Variants in KLHL3 observed in about 807,000 individuals in gnomAD.
The protein encoded by KLHL3 is kelch like family member 3.
In KLHL3, 19 loss-of-function variants were observed where a neutral mutation model predicts 70.5. The observed-to-expected ratio is 0.27, with a 90% CI of 0.19 to 0.40. The LOEUF is 0.40. Ranked by LOEUF, KLHL3 falls within the 10% of genes least tolerant of loss-of-function variation. The pLI, the probability that KLHL3 is intolerant of heterozygous loss-of-function variation, is 1.00. For synonymous variants in KLHL3, 258 were observed against 290.3 expected, an observed-to-expected ratio of 0.89 and a Z score of 1.13; for missense variants, 512 against 771.1, an observed-to-expected ratio of 0.66 and a Z score of 3.98.
chr5:137,638,564 T>C (rs886274378), intron 10 of KLHL3, among the ~76,000 whole-genome samples: 9 of 152,202 alleles, frequency 5.9e-5, no homozygotes, highest in African/African-American at 1.7e-4. Flanking sequence ...GCCCACTGCA[T>C]GACCTGAGCC....
chr5:137,688,746 C>T (rs1194924303), intron 5 of KLHL3, among the ~76,000 whole-genome samples: 1 of 152,230 alleles, frequency 6.6e-6, no homozygotes, highest in African/African-American at 2.4e-5. Flanking sequence ...CTTCACCTCT[C>T]TGTGCCCTGG....
chr5:137,712,662 T>G (rs1752816717), intron 2 of KLHL3, among the ~76,000 whole-genome samples: 1 of 152,212 alleles, frequency 6.6e-6, no homozygotes, highest in African/African-American at 2.4e-5. Context: ...GCTATCACAC[T>G]ACTCCATCTT....
intron 1 of KLHL3, among the ~76,000 whole-genome samples, chr5:137,732,682 G>A (rs1753197636): frequency 6.6e-6 from 1 of 152,102 alleles, no homozygotes; most frequent in Non-Finnish European, 1.5e-5. Context: ...TAGTAACCCA[G>A]CAGCAAAGTA....
chr5:137,642,248 TC>T (rs1750929612), intron 8 of KLHL3, among the ~76,000 whole-genome samples: 1 of 152,242 alleles, frequency 6.6e-6, no homozygotes, highest in African/African-American at 2.4e-5. Context: ...AAGTTTTCTT[TC>T]TGCAAGGACT....
chr5:137,716,785 A>C (rs1343694736), intron 2 of KLHL3, among the ~76,000 whole-genome samples: 1 of 152,212 alleles, frequency 6.6e-6, no homozygotes, highest in South Asian at 2.1e-4. Context: ...TAGGCAAAAA[A>C]GTAAGGGCAG....
At chr5:137,669,059 A>G (rs80234047) in intron 6 of KLHL3, among the ~76,000 whole-genome samples, 4 of 152,072 alleles carry the variant, frequency 2.6e-5, no homozygotes, top group African/African-American at 9.7e-5. Context: ...ATTCACAAGG[A>G]CCCTGTGAAA....
In KLHL3 at chr5:137,709,765, A is replaced by G; in HGVS notation, c.226T>C (p.Cys76Arg). ...VVLAACSPYF[C>R]AMFTGDMSES... ...CTCACCATACCTGTGAACATCGCACAGAAGTAGGGGCTGCAGGCTGCCAGG... is the reference window on the plus strand; with the variant it reads ...CTCACCATACCTGTGAACATCGCACGGAAGTAGGGGCTGCAGGCTGCCAGG... Residue 76 changes from cysteine to arginine, a missense_variant, in exon 3 of 15, where the codon TGT becomes CGT. Physicochemically the swap from Cys to Arg is radical, Grantham distance 180. Coordinates refer to ENST00000309755, the MANE Select transcript of KLHL3 (RefSeq NM_017415.3). 4 of 1,613,966 alleles carry G rather than the reference A, an allele frequency of 2.5e-6. No individual in the cohort carries two copies. Among genetic ancestry groups the G allele is most frequent in the Non-Finnish European group, 3.4e-6 (4 of 1,179,844 alleles).
chr5:137,673,427 G>A (rs538877647), intron 6 of KLHL3, among the ~76,000 whole-genome samples: 86 of 152,236 alleles, frequency 5.6e-4, no homozygotes, highest in African/African-American at 2.0e-3. Flanking sequence ...GGCATGACAT[G>A]AGGAAGGGGA....
In KLHL3 at chr5:137,720,625, A is replaced by C. The variant is rs1752980000; in HGVS notation, c.15-41T>G. On this transcript the variant is annotated intron_variant, in intron 1 of 14. Coordinates refer to ENST00000309755, the MANE Select transcript of KLHL3 (RefSeq NM_017415.3). Reference sequence around the variant, plus strand: ...AAGAGGGAGGGAAAGAGAATCACTCATTGGTAAACCCATTCATCCAACTGC... The same window carrying C: ...AAGAGGGAGGGAAAGAGAATCACTCCTTGGTAAACCCATTCATCCAACTGC... The C allele has an allele frequency of 5.0e-6, 8 of 1,611,120 alleles. No individual in the cohort carries two copies. The South Asian group carries it at 8.8e-5, about 18-fold the overall frequency.
chr5:137,721,984 C>T (rs558188664), intron 1 of KLHL3, among the ~76,000 whole-genome samples: 3 of 152,254 alleles, frequency 2.0e-5, no homozygotes, highest in East Asian at 1.9e-4. Flanking sequence ...TTGGAGTTAC[C>T]GGTTTGATCT....
chr5:137,722,287 G>A (rs955605865), intron 1 of KLHL3, among the ~76,000 whole-genome samples: 5 of 152,192 alleles, frequency 3.3e-5, no homozygotes, highest in Non-Finnish European at 7.3e-5. Flanking sequence ...TTGTCTGACC[G>A]TAACAGACTC....
intron 3 of KLHL3, among the ~76,000 whole-genome samples, chr5:137,703,854 G>A (rs1275646706): frequency 6.7e-6 from 1 of 149,112 alleles, no homozygotes; most frequent in African/African-American, 2.5e-5. Flanking sequence ...AAATGCCTCT[G>A]TGTCATTACA....
chr5:137,633,305 T>TAA (rs1750687176), intron 12 of KLHL3, among the ~76,000 whole-genome samples: 1 of 145,984 alleles, frequency 6.9e-6, no homozygotes. Context: ...AAAAAAAAGT[T>TAA]TAAAAAAAAA....
intron 8 of KLHL3, among the ~76,000 whole-genome samples, chr5:137,651,243 G>C (rs565515260): frequency 6.6e-6 from 1 of 152,348 alleles, no homozygotes; most frequent in East Asian, 1.9e-4. Flanking sequence ...ACCTACAGTT[G>C]CGTAGAGGAG....
chr5:137,642,395 T>G (rs1750934127), intron 8 of KLHL3, among the ~76,000 whole-genome samples: 2 of 152,342 alleles, frequency 1.3e-5, no homozygotes, highest in African/African-American at 4.8e-5. Context: ...TTCCCTGGCC[T>G]CCAGGTCAGA....
intron 11 of KLHL3, among the ~76,000 whole-genome samples, chr5:137,636,020 G>T (rs554546519): frequency 6.6e-6 from 1 of 152,116 alleles, no homozygotes; most frequent in East Asian, 1.9e-4. Flanking sequence ...CCTGGCTAAG[G>T]AACAAGAGAA....
intron 10 of KLHL3, 122 bp from the exon 11 acceptor site, chr5:137,637,517 TACCACCTCTGC>T: frequency 1.3e-6 from 1 of 752,158 alleles, no homozygotes; most frequent in Non-Finnish European, 2.3e-6. Context: ...TATGGCTCAG[TACCACCTCTGC>T]ATCACCATGC....
intron 3 of KLHL3, among the ~76,000 whole-genome samples, chr5:137,708,285 GC>G (rs1271634599): frequency 6.6e-6 from 1 of 152,172 alleles, no homozygotes; most frequent in African/African-American, 2.4e-5. Flanking sequence ...GTGCACAAGT[GC>G]CAAGTCTCTC....
At chr5:137,652,436 C>T (rs1751224277) in intron 8 of KLHL3, among the ~76,000 whole-genome samples, 1 of 152,140 alleles carries the variant, frequency 6.6e-6, no homozygotes, top group South Asian at 2.1e-4. Context: ...CAGATGAATG[C>T]ATAAAGAAAC....
Sources: allele counts gnomAD v4.1 joint callset (sites outside exome capture counted in the v4.1 genomes callset), GRCh38; gene constraint gnomAD v4.1.1; transcripts MANE v1.5; gene names NCBI Gene and HGNC (gene_info 2026-07-23, HGNC 2026-07-21).